SLIT3: variants seen among roughly 807,000 people sequenced by gnomAD.
SLIT3 encodes slit guidance ligand 3.
Under a neutral mutation model 184.0 loss-of-function variants are expected in SLIT3, and 68 were observed. The ratio of observed to expected loss-of-function variants is 0.37; its 90% confidence interval spans 0.30 to 0.45. SLIT3 has a LOEUF of 0.45. SLIT3 is among the 20% of genes least tolerant of loss of function. The probability of loss-of-function intolerance (pLI) is 1.00; values close to 1 mark genes in which losing one functional copy is unlikely to be tolerated. For synonymous variants in SLIT3, 831 were observed against 828.6 expected, an observed-to-expected ratio of 1.00 and a Z score of -0.05; for missense variants, 1,707 against 2,026.0, an observed-to-expected ratio of 0.84 and a Z score of 3.02.
intron 26 of SLIT3, among the ~76,000 whole-genome samples, chr5:168,704,387 A>G (rs2113295879): frequency 6.6e-6 from 1 of 152,262 alleles, no homozygotes; most frequent in South Asian, 2.1e-4. Flanking sequence ...CATCCTTCCA[A>G]CAGCCCTGCA....
intron 20 of SLIT3, among the ~76,000 whole-genome samples, chr5:168,732,145 C>T (rs1054860510): frequency 1.3e-5 from 2 of 151,976 alleles, no homozygotes; most frequent in Non-Finnish European, 2.9e-5. Flanking sequence ...TTCCTAAACA[C>T]CAATAACTAT....
chr5:168,932,825 C>T lies in SLIT3; in HGVS notation c.414-49489G>A, dbSNP rs769705222. 7.9e-5 allele frequency among the ~76,000 whole-genome samples: 12 copies of T among 152,360 alleles called. No individual in the cohort carries two copies. In the East Asian group the frequency reaches 9.6e-4, roughly 12 times the overall value. ...ATGTAAAGACTAGCAGCCTAGGCTA[C>T]GATTTGAGTATCGCCCCACCTACAG... On this transcript the variant is annotated intron_variant, in intron 4 of 35. Coordinates refer to ENST00000519560, the MANE Select transcript of SLIT3 (RefSeq NM_003062.4).
chr5:168,728,309 G>GAAAATTC (rs1220170935), intron 20 of SLIT3, among the ~76,000 whole-genome samples: 2 of 132,028 alleles, frequency 1.5e-5, no homozygotes, highest in African/African-American at 5.1e-5. Context: ...TATCCTCAGA[G>GAAAATTC]AAAATTCTCC....
intron 26 of SLIT3, 92 bp from the exon 27 acceptor site, chr5:168,700,771 G>A: frequency 1.1e-6 from 1 of 918,684 alleles, no homozygotes. Context: ...CATTCTCTGT[G>A]ATGAGGCTGG....
chr5:169,012,327 G>T (rs1756187591), intron 4 of SLIT3: 1 of 152,240 alleles, frequency 6.6e-6, no homozygotes, highest in Non-Finnish European at 1.5e-5. Flanking sequence ...CCAGCCTTGT[G>T]TTGGGGTGAG....
At chr5:168,902,966 G>A (rs532260582) in intron 4 of SLIT3, among the ~76,000 whole-genome samples, 34 of 152,240 alleles carry the variant, frequency 2.2e-4, no homozygotes, top group African/African-American at 7.9e-4. Context: ...ATCTTATTTG[G>A]ATATGATCTG....
intron 3 of SLIT3, among the ~76,000 whole-genome samples, chr5:169,229,389 C>T (rs940982465): frequency 4.6e-5 from 7 of 152,168 alleles, no homozygotes; most frequent in Admixed American, 2.6e-4. Flanking sequence ...CGATAACTCG[C>T]ATTGTTTTGT....
chr5:168,795,366 G>C (rs1756529344), intron 10 of SLIT3, 141 bp downstream of exon 10: 1 of 690,354 alleles, frequency 1.4e-6, no homozygotes, highest in Admixed American at 2.1e-5. Context: ...CCCAAGCTTA[G>C]GACAGCGTTC....
At chr5:169,113,430 T>C (rs994125601) in intron 4 of SLIT3, among the ~76,000 whole-genome samples, 7 of 152,194 alleles carry the variant, frequency 4.6e-5, no homozygotes, top group African/African-American at 1.4e-4. Flanking sequence ...TAATATCTCA[T>C]TGTCTATATT....
intron 2 of SLIT3, among the ~76,000 whole-genome samples, chr5:169,246,786 G>A (rs1765606444): frequency 6.6e-6 from 1 of 151,728 alleles, no homozygotes; most frequent in Non-Finnish European, 1.5e-5. Flanking sequence ...GGGTGTGGTG[G>A]TGCATGCCTG....
At chr5:168,705,619 G>A (rs1762352805) in intron 26 of SLIT3, among the ~76,000 whole-genome samples, 1 of 152,058 alleles carries the variant, frequency 6.6e-6, no homozygotes, top group Non-Finnish European at 1.5e-5. Flanking sequence ...CTTTCCTCAA[G>A]ATCAAAATCT....
At chr5:169,128,499 G>A (rs12519419) in intron 4 of SLIT3, among the ~76,000 whole-genome samples, 1,733 of 152,038 alleles carry the variant, frequency 0.011, 17 homozygotes, top group Non-Finnish European at 0.017. Flanking sequence ...CACAATCTTG[G>A]CTCACCACAA....
At chr5:169,135,014 C>A (rs542804600) in intron 4 of SLIT3, among the ~76,000 whole-genome samples, 1 of 152,238 alleles carries the variant, frequency 6.6e-6, no homozygotes, top group South Asian at 2.1e-4. Context: ...TATACATGGA[C>A]TATGTGTTGT....
chr5:169,092,618 G>A (rs1213118573), intron 4 of SLIT3, among the ~76,000 whole-genome samples: 6 of 152,142 alleles, frequency 3.9e-5, no homozygotes, highest in African/African-American at 1.4e-4. Flanking sequence ...AGCTTTTGAT[G>A]AAAAAGCAGT....
intron 4 of SLIT3, among the ~76,000 whole-genome samples, chr5:169,123,225 A>C (rs918760189): frequency 1.6e-4 from 25 of 152,150 alleles, no homozygotes; most frequent in African/African-American, 5.8e-4. Context: ...AGCAACATGA[A>C]CTCTGCTAAA....
At chr5:169,284,157 A>T (rs1309105865) in intron 1 of SLIT3, among the ~76,000 whole-genome samples, 1 of 152,268 alleles carries the variant, frequency 6.6e-6, no homozygotes, top group Non-Finnish European at 1.5e-5. Context: ...AAGGGACAGG[A>T]TCTATCCGGT....
At chr5:168,850,749 T>A (rs1030748961) in intron 5 of SLIT3, among the ~76,000 whole-genome samples, 1 of 152,228 alleles carries the variant, frequency 6.6e-6, no homozygotes, top group Admixed American at 6.5e-5. Flanking sequence ...TTCATATAGA[T>A]CATAATGCCG....
chr5:169,229,642 T>TTCTCTTTCTCTCTCTCTCTCTCTC (rs1764927032), intron 3 of SLIT3, among the ~76,000 whole-genome samples: 1 of 148,224 alleles, frequency 6.7e-6, no homozygotes, highest in African/African-American at 2.5e-5. Flanking sequence ...AAATAAATTC[T>TTCTCTTTCTCTCTCTCTCTCTCTC]TCTCTCTCTC....
intron 5 of SLIT3, among the ~76,000 whole-genome samples, chr5:168,859,153 A>G (rs970781619): frequency 6.6e-6 from 1 of 152,148 alleles, no homozygotes; most frequent in Non-Finnish European, 1.5e-5. Flanking sequence ...TTGGGTCAGC[A>G]CTGCGGCAGA....
Sources: gnomAD v4.1 joint callset for allele counts (sites outside exome capture counted in the v4.1 genomes callset) on GRCh38, gnomAD v4.1.1 for gene constraint, MANE v1.5 for transcripts, NCBI Gene and HGNC (gene_info 2026-07-23, HGNC 2026-07-21) for gene names.